The following DLGAP4 variants were observed in gnomAD, a reference collection of about 807,000 sequenced individuals.
DLGAP4 encodes disks large-associated protein 4.
In DLGAP4, 18 loss-of-function variants were observed where a neutral mutation model predicts 86.9. The observed-to-expected ratio is 0.21, with a 90% CI of 0.14 to 0.31. The LOEUF is 0.31. Ranked by LOEUF, DLGAP4 falls within the 10% of genes least tolerant of loss-of-function variation. The pLI is 1.00. For synonymous variants in DLGAP4, 548 were observed against 574.3 expected, an observed-to-expected ratio of 0.95 and a Z score of 0.65; for missense variants, 1,085 against 1,362.6, an observed-to-expected ratio of 0.80 and a Z score of 3.21.
Position 36,524,231 on chromosome 20 carries a change from T to C in DLGAP4, c.2513-19T>C. On this transcript the variant is annotated intron_variant, in intron 10 of 12. Transcript: ENST00000339266. ...CTGTGCTGTGCTAAATCAGTCTTTT[T>C]CCACCCTCTGTTTCTCAGTCTTAGG... The C allele has an allele frequency of 1.2e-6, 2 of 1,609,590 alleles. No individual in the cohort carries two copies. Among genetic ancestry groups the C allele is most frequent in the African/African-American group, 2.7e-5 (2 of 74,930 alleles).
rs2065027294 is a variant in DLGAP4, at chr20:36,308,693, G to T, written c.-304+2181G>T. Among the ~76,000 whole-genome samples the T allele has an allele frequency of 6.6e-6, 1 of 152,142 alleles. No homozygotes were observed. Among genetic ancestry groups the T allele is most frequent in the East Asian group, 1.9e-4 (1 of 5,198 alleles). ...AAATGCCAGCAGTTTCACATGATGG[G>T]GAGGCTCTGAGGAACTGTATCCCGG... On this transcript the variant is annotated intron_variant, in intron 1 of 12. Transcript: ENST00000339266. This position sits in a 1 kb window ranked among gnomAD's most constrained non-coding sequence, Gnocchi z 4.5.
intron 1 of DLGAP4, among the ~76,000 whole-genome samples, chr20:36,360,561 C>T (rs887789729): frequency 4.0e-5 from 6 of 151,860 alleles, no homozygotes; most frequent in African/African-American, 1.2e-4. Flanking sequence ...AAGTCCTGCA[C>T]GTGGCTTGGG....
At chr20:36,334,491 C>A (rs900298757) in intron 1 of DLGAP4, among the ~76,000 whole-genome samples, 6 of 152,122 alleles carry the variant, frequency 3.9e-5, no homozygotes, top group Non-Finnish European at 8.8e-5. Context: ...TTCGAAAAGC[C>A]CCCTGTGTGT....
chr20:36,419,874 C>A (rs1400283753), intron 2 of DLGAP4, among the ~76,000 whole-genome samples: 1 of 152,230 alleles, frequency 6.6e-6, no homozygotes, highest in Non-Finnish European at 1.5e-5. Context: ...GTCAACCCTG[C>A]ACATGTTAAG....
At chr20:36,517,078 T>TA (rs201780298) in intron 10 of DLGAP4, among the ~76,000 whole-genome samples, 2,859 of 147,768 alleles carry the variant, frequency 0.019, 77 homozygotes, top group African/African-American at 0.063. Flanking sequence ...ACCTGTGTCT[T>TA]AAAAAAAAAG....
intron 2 of DLGAP4, among the ~76,000 whole-genome samples, chr20:36,421,678 G>T (rs2032832670): frequency 6.6e-6 from 1 of 151,944 alleles, no homozygotes; most frequent in Non-Finnish European, 1.5e-5. Context: ...AGGAGTCAAG[G>T]GTACTTCCCG....
intron 11 of DLGAP4, among the ~76,000 whole-genome samples, chr20:36,524,914 A>AATT (rs2037614845): frequency 1.3e-5 from 2 of 150,816 alleles, no homozygotes; most frequent in South Asian, 2.1e-4. Flanking sequence ...CTGTCTCAAA[A>AATT]ATTATATACA....
At chr20:36,407,921 T>C (rs947779759) in intron 2 of DLGAP4, among the ~76,000 whole-genome samples, 6 of 152,016 alleles carry the variant, frequency 3.9e-5, no homozygotes, top group Non-Finnish European at 8.8e-5. Context: ...GAGGATGTGG[T>C]TGGAGTCAGG....
At chr20:36,452,517 CTTTT>C (rs35771997) in intron 7 of DLGAP4, among the ~76,000 whole-genome samples, 2 of 132,076 alleles carry the variant, frequency 1.5e-5, no homozygotes, top group African/African-American at 5.5e-5. Context: ...TCTTGTAAAT[CTTTT>C]TTTTTTTTTT....
chr20:36,398,325 T>C (rs970968605), intron 2 of DLGAP4, among the ~76,000 whole-genome samples: 4 of 152,074 alleles, frequency 2.6e-5, no homozygotes, highest in African/African-American at 9.7e-5. Flanking sequence ...ATGTAAGTGT[T>C]AGGCTAGGAG....
intron 1 of DLGAP4, among the ~76,000 whole-genome samples, chr20:36,365,254 C>A (rs2030646389): frequency 6.6e-6 from 1 of 152,258 alleles, no homozygotes; most frequent in Non-Finnish European, 1.5e-5. Flanking sequence ...TTGGTTGCCA[C>A]TTCTTTTCCT....
intron 1 of DLGAP4, among the ~76,000 whole-genome samples, chr20:36,349,464 G>A (rs2030070132): frequency 6.6e-6 from 1 of 152,056 alleles, no homozygotes; most frequent in Non-Finnish European, 1.5e-5. Context: ...TTAGGTGTAG[G>A]GAACGTAGCC....
At position 36,527,095 on chromosome 20, in the gene DLGAP4, A is replaced by C; in HGVS notation, c.*64A>C. On this transcript the variant is annotated 3_prime_UTR_variant, in exon 13 of 13. Transcript: ENST00000339266. The stretch of plus-strand genomic sequence containing the variant: ...AAACACAAAAACTAAGTGCGAACGG[A>C]ACAGAGTTTTCTCAACCTTTGCTAT... 1.4e-6 allele frequency: 2 copies of C among 1,465,094 alleles called. No individual in the cohort carries two copies. The highest frequency in any genetic ancestry group is 4.9e-5 in the Admixed American group (2 of 40,646). The allele number at this position is 1,465,094 out of a possible 1,614,324, so 90.8% of individuals were successfully genotyped here.
At chr20:36,474,985 G>A (rs927285545) in intron 7 of DLGAP4, among the ~76,000 whole-genome samples, 1 of 152,140 alleles carries the variant, frequency 6.6e-6, no homozygotes, top group Non-Finnish European at 1.5e-5. Flanking sequence ...ACAAGTAGAT[G>A]CTGAGAAATT....
intron 2 of DLGAP4, among the ~76,000 whole-genome samples, chr20:36,395,070 A>AAC (rs201829185): frequency 3.5e-4 from 53 of 151,740 alleles, no homozygotes; most frequent in Admixed American, 9.2e-4. Flanking sequence ...CCCTTCACCC[A>AAC]ACACACACAC....
At chr20:36,499,221 TTC>T (rs1491430854) in intron 8 of DLGAP4, 29 of 1,593,270 alleles carry the variant, frequency 1.8e-5, no homozygotes, top group Non-Finnish European at 2.3e-5. Flanking sequence ...TTTTTTTTTT[TTC>T]TCTCTGATGC....
chr20:36,473,247 A>G (rs1354748165), intron 7 of DLGAP4: 1 of 152,184 alleles, frequency 6.6e-6, no homozygotes, highest in Non-Finnish European at 1.5e-5. Flanking sequence ...CTTACCTCCT[A>G]TAGTTTCTTT....
intron 7 of DLGAP4, among the ~76,000 whole-genome samples, chr20:36,480,941 G>A (rs2035158676): frequency 6.6e-6 from 1 of 152,158 alleles, no homozygotes; most frequent in Non-Finnish European, 1.5e-5. Context: ...GGGCTATCAA[G>A]GCTGCAGTGA....
intron 7 of DLGAP4, among the ~76,000 whole-genome samples, chr20:36,476,144 C>T (rs779440517): frequency 1.3e-4 from 20 of 151,840 alleles, no homozygotes; most frequent in Non-Finnish European, 2.5e-4. Flanking sequence ...CACACGCGCC[C>T]GGCCCTTCTT....
Sources: gnomAD v4.1 joint callset for allele counts (sites outside exome capture counted in the v4.1 genomes callset) on GRCh38, gnomAD v4.1.1 for gene constraint, Gnocchi (gnomAD v3.1) non-coding constraint, MANE v1.5 for transcripts, NCBI Gene and HGNC (gene_info 2026-07-23, HGNC 2026-07-21) for gene names.